Variants in XIRP2 observed in about 807,000 individuals in gnomAD.
XIRP2 encodes the protein xin actin binding repeat containing 2, also known as xin actin-binding repeat-containing protein 2.
In XIRP2, 236 loss-of-function variants were observed where a neutral mutation model predicts 277.0. That is an observed-to-expected ratio of 0.85 (90% CI 0.77 to 0.95). The LOEUF (loss-of-function observed/expected upper bound fraction) is 0.95, where lower values mean the gene tolerates loss of function less well. Among genes scored for constraint, XIRP2 ranks in the 40% least tolerant of loss-of-function variants. The pLI is 0.00. For missense variants in XIRP2, 4,640 were observed against 4,157.5 expected (o/e 1.12, Z -3.19); for synonymous variants, 1,490 against 1,416.5 (o/e 1.05, Z -1.17).
intron 2 of XIRP2, among the ~76,000 whole-genome samples, chr2:167,135,651 A>G (rs1467925974): frequency 6.6e-6 from 1 of 152,028 alleles, no homozygotes; most frequent in Non-Finnish European, 1.5e-5. Context: ...TCTCTCTTTT[A>G]TGAGAGAAAA....
In XIRP2 at chr2:167,245,881, C is replaced by A; in HGVS notation, c.4489C>A (p.Arg1497=). The A allele has an allele frequency of 1.2e-6, 2 of 1,613,576 alleles. No individual in the cohort carries two copies. The highest frequency in any genetic ancestry group is 1.6e-4 in the Middle Eastern group (1 of 6,062). The change falls in exon 9 of 11, where the codon CGA becomes AGA. Residue 1497 remains arginine (R), a synonymous_variant. Transcript: ENST00000409195. ...VKQAVWLFEN[R]TFDSIMEAHK... is the part of the protein sequence containing the mutation. Reference sequence around the variant, plus strand: ...GCAGGCTGTGTGGCTTTTTGAAAATCGAACTTTCGATTCTATTATGGAAGC... The same window carrying A: ...GCAGGCTGTGTGGCTTTTTGAAAATAGAACTTTCGATTCTATTATGGAAGC...
chr2:167,237,863 A>T (rs541149995), intron 5 of XIRP2, among the ~76,000 whole-genome samples: 1 of 152,212 alleles, frequency 6.6e-6, no homozygotes, highest in Non-Finnish European at 1.5e-5. Context: ...AGATGGAAAG[A>T]CTTGTCACAG....
chr2:167,198,240 C>T (rs1013981576), intron 3 of XIRP2, among the ~76,000 whole-genome samples: 4 of 152,144 alleles, frequency 2.6e-5, no homozygotes, highest in African/African-American at 7.2e-5. Context: ...TTTGAAATTA[C>T]GTGCTGCATT....
Position 167,242,623 on chromosome 2 carries a change from T to A in XIRP2, c.1231T>A (p.Ser411Thr). 1 of 1,614,072 alleles carries A rather than the reference T, an allele frequency of 6.2e-7. No homozygotes were observed. Among genetic ancestry groups the A allele is most frequent in the Non-Finnish European group, 8.5e-7 (1 of 1,179,960 alleles). ...FKPSSVVSTS[S>T]TSCVSTSQRK... ...GCCATCATCAGTTGTGAGTACCTCT[T>A]CCACTTCTTGCGTTTCAACCAGCCA... Residue 411 changes from serine to threonine, a missense_variant, in exon 9 of 11, where the codon TCC becomes ACC. Transcript: ENST00000409195.
At chr2:167,149,633 A>G (rs1222168447) in intron 3 of XIRP2, among the ~76,000 whole-genome samples, 1 of 152,092 alleles carries the variant, frequency 6.6e-6, no homozygotes, top group Non-Finnish European at 1.5e-5. Flanking sequence ...AATGGTTTAA[A>G]AGCTACATAT....
intron 3 of XIRP2, among the ~76,000 whole-genome samples, chr2:167,162,675 G>A (rs1026714602): frequency 5.9e-5 from 9 of 152,116 alleles, no homozygotes; most frequent in Non-Finnish European, 8.8e-5. Context: ...TCTGCTTTTC[G>A]AATGTATTGA....
At chr2:167,062,972 AT>A (rs1246417762) in intron 2 of XIRP2, among the ~76,000 whole-genome samples, 1 of 151,098 alleles carries the variant, frequency 6.6e-6, no homozygotes, top group Non-Finnish European at 1.5e-5. Flanking sequence ...GCATTTGTTA[AT>A]TTTTCTTATT....
chr2:167,142,957 G>A, intron 3 of XIRP2, among the ~76,000 whole-genome samples: 1 of 152,104 alleles, frequency 6.6e-6, no homozygotes, highest in African/African-American at 2.4e-5. Context: ...AGGGAAGGAT[G>A]AAGGGAGAGA....
intron 2 of XIRP2, among the ~76,000 whole-genome samples, chr2:166,971,251 T>A (rs1265988481): frequency 6.6e-6 from 1 of 152,090 alleles, no homozygotes; most frequent in African/African-American, 2.4e-5. Context: ...GAACTATGGA[T>A]GATTTTGCTA....
In XIRP2 at chr2:166,963,970, A is replaced by G. The variant is rs73973537; in HGVS notation, c.408+60080A>G. Among the ~76,000 whole-genome samples, 488 of 151,868 alleles carry G rather than the reference A, an allele frequency of 3.2e-3. 4 individuals are homozygous for G. Among genetic ancestry groups the G allele is most frequent in the African/African-American group, 0.011 (463 of 41,484 alleles). Reference sequence around the variant, plus strand: ...ACATGGTGTGTTCTAAAGTTAAAGGAGGAAGAGCAGAAACAGGTGGTGGGA... The same window carrying G: ...ACATGGTGTGTTCTAAAGTTAAAGGGGGAAGAGCAGAAACAGGTGGTGGGA... On this transcript the variant is annotated intron_variant, in intron 2 of 10. Transcript: ENST00000409195.
rs150457357 is a variant in XIRP2, at chr2:167,092,401, C to T, written c.409-43508C>T. On this transcript the variant is annotated intron_variant, in intron 2 of 10. Coordinates refer to ENST00000409195, the MANE Select transcript of XIRP2 (RefSeq NM_152381.6). ...CCAATGAACTTCTATGTCTCTGGCACACCCTGATCTTCATTACACAGAGCT... is the reference window on the plus strand; with the variant it reads ...CCAATGAACTTCTATGTCTCTGGCATACCCTGATCTTCATTACACAGAGCT... 3.9e-5 allele frequency among the ~76,000 whole-genome samples: 6 copies of T among 152,176 alleles called. No homozygotes were observed. In the East Asian group the frequency reaches 1.2e-3, roughly 29 times the overall value.
chr2:166,957,501 C>G (rs1448019277), intron 2 of XIRP2, among the ~76,000 whole-genome samples: 1 of 151,554 alleles, frequency 6.6e-6, no homozygotes, highest in Non-Finnish European at 1.5e-5. Flanking sequence ...GGGCTTAATA[C>G]CAATAATTAT....
intron 3 of XIRP2, among the ~76,000 whole-genome samples, chr2:167,143,585 C>A (rs1691788516): frequency 6.6e-6 from 1 of 152,000 alleles, no homozygotes. Context: ...TGAGCTGGGG[C>A]CAGAGTGGGT....
chr2:167,150,716 A>G (rs185550031), intron 3 of XIRP2, among the ~76,000 whole-genome samples: 4 of 152,128 alleles, frequency 2.6e-5, no homozygotes, highest in Admixed American at 2.6e-4. Context: ...GAAAACCCCT[A>G]AGAAATTGGG....
chr2:167,146,498 C>T (rs1691868009), intron 3 of XIRP2, among the ~76,000 whole-genome samples: 1 of 142,144 alleles, frequency 7.0e-6, no homozygotes, highest in Non-Finnish European at 1.5e-5. Flanking sequence ...AAGACTCTGT[C>T]TCAAAAAAAA....
At chr2:167,077,968 T>A (rs942136651) in intron 2 of XIRP2, among the ~76,000 whole-genome samples, 1 of 152,246 alleles carries the variant, frequency 6.6e-6, no homozygotes, top group African/African-American at 2.4e-5. Context: ...GCTTTTGTTT[T>A]TGATTGCGTA....
At chr2:167,083,195 T>C (rs942445980) in intron 2 of XIRP2, among the ~76,000 whole-genome samples, 2 of 152,142 alleles carry the variant, frequency 1.3e-5, no homozygotes, top group African/African-American at 4.8e-5. Flanking sequence ...ATTTATTAAA[T>C]AGGGAATCCT....
chr2:167,126,740 C>T (rs1475257977), intron 2 of XIRP2, among the ~76,000 whole-genome samples: 2 of 152,114 alleles, frequency 1.3e-5, no homozygotes, highest in Non-Finnish European at 2.9e-5. Context: ...GATCTTCTCC[C>T]AACTCCCATC....
At chr2:167,134,603 T>C (rs1691488779) in intron 2 of XIRP2, among the ~76,000 whole-genome samples, 1 of 152,154 alleles carries the variant, frequency 6.6e-6, no homozygotes, top group South Asian at 2.1e-4. Context: ...ATGGGGGTCA[T>C]GTTACAAGGC....
Sources: allele counts gnomAD v4.1 joint callset (sites outside exome capture counted in the v4.1 genomes callset), GRCh38; gene constraint gnomAD v4.1.1; transcripts MANE v1.5; gene names NCBI Gene and HGNC (gene_info 2026-07-23, HGNC 2026-07-21).